RANBP2: variants seen among roughly 807,000 people sequenced by gnomAD.
RANBP2 encodes RAN binding protein 2.
In RANBP2, 57 loss-of-function variants were observed where a neutral mutation model predicts 303.6. The observed-to-expected ratio is 0.19, with a 90% confidence interval of 0.15 to 0.23. The LOEUF is 0.23. Among genes scored for constraint, RANBP2 ranks in the 10% least tolerant of loss-of-function variants. The probability of loss-of-function intolerance (pLI) is 1.00; values close to 1 mark genes in which losing one functional copy is unlikely to be tolerated. For missense variants in RANBP2, 3,138 were observed against 3,780.8 expected, an observed-to-expected ratio of 0.83 and a Z score of 4.46; for synonymous variants, 1,167 against 1,301.5, an observed-to-expected ratio of 0.90 and a Z score of 2.23.
chr2:108,816,076 A>G, the RANBP2 span: 1 of 1,612,560 alleles, frequency 6.2e-7, no homozygotes, highest in Non-Finnish European at 8.5e-7. Context: ...TGCTTCCCAG[A>G]GAAATGATAT....
chr2:108,818,452 T>A, the RANBP2 span, among the ~76,000 whole-genome samples: 2 of 152,236 alleles, frequency 1.3e-5, no homozygotes, highest in African/African-American at 2.4e-5. Context: ...TGTTCAGGAT[T>A]TACAGTTTCT....
At chr2:109,740,149 C>A in the RANBP2 span, among the ~76,000 whole-genome samples, 3 of 150,032 alleles carry the variant, frequency 2.0e-5, no homozygotes, top group Non-Finnish European at 4.4e-5. Flanking sequence ...CCACCATGCC[C>A]AGCTAATTTC....
chr2:109,445,502 T>A, the RANBP2 span, among the ~76,000 whole-genome samples: 3 of 152,202 alleles, frequency 2.0e-5, no homozygotes, highest in African/African-American at 7.2e-5. Context: ...TACACACTAT[T>A]TCAAAAATAT....
At chr2:109,090,330 A>ACACACC in the RANBP2 span, among the ~76,000 whole-genome samples, 2 of 142,872 alleles carry the variant, frequency 1.4e-5, no homozygotes, top group Non-Finnish European at 1.6e-5. Context: ...ACACACACAC[A>ACACACC]CACACACACA....
the RANBP2 span, chr2:109,490,742 C>T: frequency 7.8e-6 from 12 of 1,536,192 alleles, no homozygotes; most frequent in African/African-American, 1.4e-5. Flanking sequence ...CAGTGGGCCC[C>T]GAAGTGTCCT....
At chr2:109,195,951 G>A in the RANBP2 span, among the ~76,000 whole-genome samples, 2 of 152,186 alleles carry the variant, frequency 1.3e-5, no homozygotes, top group South Asian at 2.1e-4. Flanking sequence ...AGCGAGAAGG[G>A]CCAGGTACCT....
At chr2:108,873,420 A>C in the RANBP2 span, 1 of 1,524,512 alleles carries the variant, frequency 6.6e-7, no homozygotes, top group South Asian at 1.4e-5. Flanking sequence ...GCTACTCCCT[A>C]ATAGTAAAGC....
At chr2:109,735,478 A>ATCTC in the RANBP2 span, among the ~76,000 whole-genome samples, 49 of 147,226 alleles carry the variant, frequency 3.3e-4, no homozygotes, top group Non-Finnish European at 5.5e-4. Context: ...AGTAATGCAG[A>ATCTC]TCTCTCTCTC....
the RANBP2 span, among the ~76,000 whole-genome samples, chr2:109,070,702 T>C: frequency 6.6e-6 from 1 of 152,032 alleles, no homozygotes; most frequent in East Asian, 1.9e-4. Context: ...CTACTAAAAA[T>C]AGAAATATTA....
chr2:109,306,057 A>G, the RANBP2 span, among the ~76,000 whole-genome samples: 1 of 152,212 alleles, frequency 6.6e-6, no homozygotes, highest in Non-Finnish European at 1.5e-5. Flanking sequence ...TCTTACTGGC[A>G]GCGACAGTGG....
the RANBP2 span, among the ~76,000 whole-genome samples, chr2:109,333,649 C>T: frequency 6.6e-6 from 1 of 152,152 alleles, no homozygotes; most frequent in African/African-American, 2.4e-5. Flanking sequence ...CACCTTGCTC[C>T]ACTAGAGACA....
chr2:108,796,493 A>G, the RANBP2 span, among the ~76,000 whole-genome samples: 1 of 152,224 alleles, frequency 6.6e-6, no homozygotes, highest in Non-Finnish European at 1.5e-5. Flanking sequence ...TATCCCCGAA[A>G]AAAGAAAACG....
chr2:109,613,098 A>AG, the RANBP2 span: 1 of 990,540 alleles, frequency 1.0e-6, no homozygotes, highest in East Asian at 6.0e-5. Flanking sequence ...AACGGCGGTG[A>AG]GATCACTCCA....
the RANBP2 span, chr2:109,615,272 C>G: frequency 6.3e-7 from 1 of 1,579,502 alleles, no homozygotes; most frequent in Non-Finnish European, 8.6e-7. Context: ...GCGGAGGCTC[C>G]GTGACGCTGG....
the RANBP2 span, among the ~76,000 whole-genome samples, chr2:109,473,799 C>A: frequency 3.3e-5 from 5 of 151,796 alleles, no homozygotes; most frequent in African/African-American, 9.7e-5. Context: ...CTGAGCCCCC[C>A]GTGCACAGCC....
At chr2:108,746,208 CTTTTTTTTT>C (rs35544546) in intron 7 of RANBP2, among the ~76,000 whole-genome samples, 2 of 90,558 alleles carry the variant, frequency 2.2e-5, no homozygotes, top group South Asian at 7.8e-4. Flanking sequence ...ATGTCTGGCC[CTTTTTTTTT>C]TTTTTTTTTT....
At chr2:109,194,175 T>G in the RANBP2 span, among the ~76,000 whole-genome samples, 1 of 152,160 alleles carries the variant, frequency 6.6e-6, no homozygotes, top group Admixed American at 6.5e-5. Context: ...CCAGCACTGG[T>G]TGGAATCCCT....
the RANBP2 span, among the ~76,000 whole-genome samples, chr2:108,891,567 G>C: frequency 6.6e-6 from 1 of 152,198 alleles, no homozygotes; most frequent in Non-Finnish European, 1.5e-5. Context: ...ACAGCAATGG[G>C]CTAAGTGTGC....
the RANBP2 span, among the ~76,000 whole-genome samples, chr2:109,093,014 T>C: frequency 1.3e-5 from 2 of 152,216 alleles, no homozygotes; most frequent in African/African-American, 4.8e-5. Flanking sequence ...CTCTGTCTTG[T>C]TTTGTATCCT....
Sources: gnomAD v4.1 joint callset for allele counts (sites outside exome capture counted in the v4.1 genomes callset) on GRCh38, gnomAD v4.1.1 for gene constraint, MANE v1.5 for transcripts, NCBI Gene and HGNC (gene_info 2026-07-23, HGNC 2026-07-21) for gene names.